GUCY1A1: variants seen among roughly 807,000 people sequenced by gnomAD.
GUCY1A1 encodes guanylate cyclase 1 soluble subunit alpha 1, also known as guanylate cyclase soluble subunit alpha-1.
Under a neutral mutation model 64.5 loss-of-function variants are expected in GUCY1A1, and 48 were observed. The ratio of observed to expected loss-of-function variants is 0.74; its 90% CI spans 0.59 to 0.95. The LOEUF (loss-of-function observed/expected upper bound fraction) is 0.95, where lower values mean the gene tolerates loss of function less well. Ranked by LOEUF, GUCY1A1 falls within the 40% of genes least tolerant of loss-of-function variation. The pLI is 0.00. For missense variants in GUCY1A1, 804 were observed against 825.3 expected, an observed-to-expected ratio of 0.97 and a Z score of 0.32; for synonymous variants, 308 against 303.4, an observed-to-expected ratio of 1.02 and a Z score of -0.16.
chr4:155,711,278 A>G (rs1732542284), intron 6 of GUCY1A1, 27 bp downstream of exon 6: 1 of 1,165,412 alleles, frequency 8.6e-7, no homozygotes, highest in Non-Finnish European at 1.3e-6. Context: ...ACTATCTTGA[A>G]TATGAAAGCT....
intron 2 of GUCY1A1, among the ~76,000 whole-genome samples, chr4:155,691,893 G>T (rs534805080): frequency 1.3e-5 from 2 of 152,174 alleles, no homozygotes; most frequent in African/African-American, 2.4e-5. Flanking sequence ...TCATCAGCCA[G>T]GTTTTAAGCC....
At chr4:155,670,545 C>A (rs1313229090) in intron 2 of GUCY1A1, among the ~76,000 whole-genome samples, 1 of 152,102 alleles carries the variant, frequency 6.6e-6, no homozygotes, top group Non-Finnish European at 1.5e-5. Flanking sequence ...CTTCCTATAG[C>A]CTCGAAGGCT....
At chr4:155,719,546 G>T (rs548067637) in intron 8 of GUCY1A1, among the ~76,000 whole-genome samples, 1 of 152,172 alleles carries the variant, frequency 6.6e-6, no homozygotes, top group Admixed American at 6.5e-5. Flanking sequence ...CTACCTCTTG[G>T]TATAGAATTG....
chr4:155,716,959 C>A (rs1244479658), intron 7 of GUCY1A1, among the ~76,000 whole-genome samples, 200 bp from the exon 8 acceptor site: 1 of 152,096 alleles, frequency 6.6e-6, no homozygotes, highest in Non-Finnish European at 1.5e-5. Flanking sequence ...CCTCTCAGTG[C>A]AGTGCCTCAA....
In GUCY1A1 at chr4:155,733,168, A is replaced by T. The variant is rs1735728908; in HGVS notation, c.*2937A>T. 6.6e-6 allele frequency among the ~76,000 whole-genome samples: 1 copy of T among 151,866 alleles called. No homozygotes were observed. On this transcript the variant is annotated 3_prime_UTR_variant, in exon 10 of 10. Transcript: ENST00000506455. ...CCAGGAATATTGCTATATTTTTGAA[A>T]TTTAAGGATAAAATATGGCCCAATC...
intron 9 of GUCY1A1, among the ~76,000 whole-genome samples, chr4:155,722,863 C>A (rs55673113): frequency 0.4 from 60,154 of 151,928 alleles, 12,143 homozygotes; most frequent in African/African-American, 0.47. Context: ...CTCCAGCCAC[C>A]TCAGTGGGTT....
chr4:155,709,464 TACTA>T (rs1167864827), intron 5 of GUCY1A1, among the ~76,000 whole-genome samples: 1 of 152,346 alleles, frequency 6.6e-6, no homozygotes, highest in South Asian at 2.1e-4. Context: ...TCGTTTACAA[TACTA>T]ACTGATTTGT....
chr4:155,667,758 C>G (rs1173145686), intron 2 of GUCY1A1: 2 of 151,388 alleles, frequency 1.3e-5, no homozygotes, highest in Non-Finnish European at 2.9e-5. Flanking sequence ...GCTGGTCTCC[C>G]ACGGCCAGGG....
At chr4:155,724,480 G>A (rs116125402) in intron 9 of GUCY1A1, among the ~76,000 whole-genome samples, 333 of 151,954 alleles carry the variant, frequency 2.2e-3, no homozygotes, top group African/African-American at 7.2e-3. Flanking sequence ...CCACTCAAAC[G>A]GTTCTTATCA....
chr4:155,721,926 G>A (rs577717271), intron 8 of GUCY1A1, 112 bp from the exon 9 acceptor site: 5 of 761,698 alleles, frequency 6.6e-6, no homozygotes, highest in East Asian at 2.5e-5. Flanking sequence ...GAGGAAAGGG[G>A]TGGTGTCCTG....
intron 9 of GUCY1A1, among the ~76,000 whole-genome samples, chr4:155,729,091 C>T (rs1230041971): frequency 6.6e-6 from 1 of 151,866 alleles, no homozygotes; most frequent in East Asian, 1.9e-4. Context: ...TGTCACAGTA[C>T]CAAAATCTAA....
At chr4:155,722,405 C>CAAGAT (rs1734086904) in intron 9 of GUCY1A1, 1 of 1,380,724 alleles carries the variant, frequency 7.2e-7, no homozygotes, top group African/African-American at 1.5e-5. Context: ...GTGGCCCAGC[C>CAAGAT]ATAAATCCAT....
rs1736034903 is a variant in GUCY1A1 at position 155,736,166 on chromosome 4, T to G, written c.*5935T>G. On this transcript the variant is annotated 3_prime_UTR_variant, in exon 10 of 10. Coordinates refer to ENST00000506455, the MANE Select transcript of GUCY1A1 (RefSeq NM_001130682.3). Reference sequence around the variant, plus strand: ...ATTGTAGGACAACAACTCTATAGACTGATACATGCTGCTCTCAATCCATAT... The same window carrying G: ...ATTGTAGGACAACAACTCTATAGACGGATACATGCTGCTCTCAATCCATAT... The G allele has an allele frequency of 6.6e-6, 1 of 151,964 alleles. No homozygotes were observed. 9.4% of individuals were successfully genotyped at this position (151,964 alleles called of 1,614,324 possible).
At position 155,730,254 on chromosome 4, in the gene GUCY1A1, G is replaced by A. The variant is rs1735384368; in HGVS notation, c.*23G>A. The A allele has an allele frequency of 6.8e-7, 1 of 1,477,238 alleles. No homozygotes were observed. The highest frequency in any genetic ancestry group is 1.7e-5 in the Admixed American group (1 of 59,380). The allele number at this position is 1,477,238 out of a possible 1,614,324, so 91.5% of individuals were successfully genotyped here. ...TAGCAACCTATATACCTATTTATAAGTCTTTGGGGTTTGACTCATTGAAGA... is the reference window on the plus strand; with the variant it reads ...TAGCAACCTATATACCTATTTATAAATCTTTGGGGTTTGACTCATTGAAGA... On this transcript the variant is annotated 3_prime_UTR_variant, in exon 10 of 10. Coordinates refer to ENST00000506455, the MANE Select transcript of GUCY1A1 (RefSeq NM_001130682.3).
At position 155,676,526 on chromosome 4, in the gene GUCY1A1, A is replaced by G. The variant is rs990742487; in HGVS notation, c.-113+9107A>G. The stretch of plus-strand genomic sequence containing the variant: ...GTCACCGTCTATTTTGTACACAGTG[A>G]AAAGGTATTTGGCTGTGTTTCTATT... On this transcript the variant is annotated intron_variant, in intron 2 of 9. Transcript: ENST00000506455. Among the ~76,000 whole-genome samples the G allele has an allele frequency of 2.6e-5, 4 of 151,498 alleles. 1 individual carries two copies. The highest frequency in any genetic ancestry group is 9.8e-5 in the African/African-American group (4 of 40,778).
chr4:155,728,706 A>G (rs1205422470), intron 9 of GUCY1A1, among the ~76,000 whole-genome samples: 2 of 151,928 alleles, frequency 1.3e-5, no homozygotes, highest in East Asian at 3.9e-4. Context: ...ACTGTTACCA[A>G]TATGATAGGT....
intron 2 of GUCY1A1, among the ~76,000 whole-genome samples, chr4:155,691,573 T>C (rs1472541614): frequency 6.6e-6 from 1 of 152,178 alleles, no homozygotes; most frequent in Non-Finnish European, 1.5e-5. Flanking sequence ...ACTAAGGCAA[T>C]TTGCTTTTAA....
In GUCY1A1 at chr4:155,674,839, A is replaced by T. The variant is rs549745842; in HGVS notation, c.-113+7420A>T. Among the ~76,000 whole-genome samples the T allele has an allele frequency of 2.6e-5, 4 of 151,840 alleles. No homozygotes were observed. The East Asian group carries it at 7.7e-4, about 29-fold the overall frequency. On this transcript the variant is annotated intron_variant, in intron 2 of 9. Transcript: ENST00000506455. ...AAAATAACAATAAAAGGCATAATAT[A>T]GTAAATACATAAACCAATAAAATAG... is the stretch of plus-strand genomic sequence containing the variant.
At chr4:155,694,738 C>T (rs1730206609) in intron 2 of GUCY1A1, among the ~76,000 whole-genome samples, 1 of 151,924 alleles carries the variant, frequency 6.6e-6, no homozygotes, top group African/African-American at 2.4e-5. Flanking sequence ...ATTCTCAGGC[C>T]CTTTACAGAA....
Sources: allele counts gnomAD v4.1 joint callset (sites outside exome capture counted in the v4.1 genomes callset), GRCh38; gene constraint gnomAD v4.1.1; transcripts MANE v1.5; gene names NCBI Gene and HGNC (gene_info 2026-07-23, HGNC 2026-07-21).